CFLAR: variants seen among roughly 807,000 people sequenced by gnomAD.
CFLAR encodes the protein CASP8 and FADD-like apoptosis regulator.
CFLAR carries 14 observed loss-of-function variants against 51.1 expected under a neutral mutation model. That is an observed-to-expected ratio of 0.27 (90% CI 0.18 to 0.43). The LOEUF (loss-of-function observed/expected upper bound fraction) is 0.43. Among genes scored for constraint, CFLAR ranks in the 20% least tolerant of loss-of-function variants. The pLI, the probability that CFLAR is intolerant of heterozygous loss-of-function variation, is 1.00. For synonymous variants in CFLAR, 210 were observed against 211.6 expected (o/e 0.99, Z 0.06); for missense variants, 390 against 566.5 (o/e 0.69, Z 3.16).
intron 6 of CFLAR, among the ~76,000 whole-genome samples, chr2:201,147,178 G>T (rs908919209): frequency 6.6e-6 from 1 of 152,160 alleles, no homozygotes; most frequent in Admixed American, 6.5e-5. Context: ...CTATGATCCT[G>T]TTAGGAGAGC....
At chr2:201,152,576 G>A (rs1941456997) in intron 8 of CFLAR, among the ~76,000 whole-genome samples, 1 of 152,174 alleles carries the variant, frequency 6.6e-6, no homozygotes, top group African/African-American at 2.4e-5. Context: ...TTTGCACTTG[G>A]TACATAGAGT....
chr2:201,134,279 G>C (rs2049784306), intron 3 of CFLAR, among the ~76,000 whole-genome samples: 1 of 151,894 alleles, frequency 6.6e-6, no homozygotes, highest in Non-Finnish European at 1.5e-5. Context: ...TTGCACTCCA[G>C]CCTGGGCGAC....
At chr2:201,135,821 C>A (rs1381251315) in intron 3 of CFLAR, 151 bp from the exon 4 acceptor site, 18 of 973,142 alleles carry the variant, frequency 1.8e-5, no homozygotes, top group Admixed American at 8.1e-5. Context: ...AGATGGGGGT[C>A]TCACTATTTT....
rs1159956215 is a variant in CFLAR at position 201,171,250 on chromosome 2, ATTAC to A, written c.*7282_*7285del. The A allele has an allele frequency of 1.3e-5, 2 of 152,172 alleles. No homozygotes were observed. Among genetic ancestry groups the A allele is most frequent in the Admixed American group, 1.3e-4 (2 of 15,286 alleles). The allele number at this position is 152,172 out of a possible 1,614,324, so 9.4% of individuals were successfully genotyped here. A position where few individuals can be genotyped will look rare whatever the true frequency, so the allele number is the denominator to read the frequency against. On this transcript the variant is annotated 3_prime_UTR_variant, in exon 10 of 10. Coordinates refer to ENST00000309955, the MANE Select transcript of CFLAR (RefSeq NM_003879.7). Reference sequence around the variant, plus strand: ...CCAGAATCTCACAAGTAACCACTTAATTACTTACGCATGTAACCAGATACCACCT... The same window carrying A: ...CCAGAATCTCACAAGTAACCACTTAATTACGCATGTAACCAGATACCACCT...
intron 8 of CFLAR, 140 bp downstream of exon 8, chr2:201,149,975 C>T: frequency 1.6e-6 from 1 of 626,424 alleles, no homozygotes. Context: ...GGTGCGGTGG[C>T]TCATGCCTGG....
At chr2:201,155,054 G>A (rs1941926235) in intron 8 of CFLAR, among the ~76,000 whole-genome samples, 1 of 152,234 alleles carries the variant, frequency 6.6e-6, no homozygotes, top group Non-Finnish European at 1.5e-5. Context: ...AGTCTTTGGT[G>A]TTGTGTCATC....
intron 8 of CFLAR, among the ~76,000 whole-genome samples, chr2:201,160,124 G>GA (rs1401992817): frequency 2.6e-5 from 4 of 152,034 alleles, no homozygotes; most frequent in Admixed American, 6.6e-5. Context: ...GATTGTTGAA[G>GA]AAAAAAAGGT....
At chr2:201,135,948 G>GT in intron 3 of CFLAR, 24 bp from the exon 4 acceptor site, 1 of 1,601,642 alleles carries the variant, frequency 6.2e-7, no homozygotes. Flanking sequence ...ATTGACATTT[G>GT]TTTTTTGTTG....
intron 6 of CFLAR, among the ~76,000 whole-genome samples, chr2:201,146,920 C>T (rs1940306318): frequency 6.6e-6 from 1 of 152,200 alleles, no homozygotes; most frequent in Non-Finnish European, 1.5e-5. Flanking sequence ...CATTCTCTAC[C>T]TAATATTGTG....
At position 201,170,797 on chromosome 2, in the gene CFLAR, T is replaced by C. The variant is rs577804002; in HGVS notation, c.*6824T>C. 20 of 152,372 alleles carry C rather than the reference T, an allele frequency of 1.3e-4. No individual in the cohort carries two copies. Among genetic ancestry groups the C allele is most frequent in the East Asian group, 9.6e-4 (5 of 5,194 alleles). 9.4% of individuals were successfully genotyped at this position (152,372 alleles called of 1,614,324 possible). ...TGCTTTTTTTTACACAAAAATATGT[T>C]GTGAATATTTTCCTATATTATGAAA... On this transcript the variant is annotated 3_prime_UTR_variant, in exon 10 of 10. Coordinates refer to ENST00000309955, the MANE Select transcript of CFLAR (RefSeq NM_003879.7).
intron 2 of CFLAR, 41 bp downstream of exon 2, chr2:201,130,187 G>GGGGGGGGGGGCCCC: frequency 3.4e-6 from 1 of 292,394 alleles, no homozygotes. Context: ...GGGTGGGAGG[G>GGGGGGGGGGGCCCC]AGTGAAGTGT....
Position 201,145,624 on chromosome 2 carries a change from T to C in CFLAR, c.661+192T>C, listed in dbSNP as rs144916481. On this transcript the variant is annotated intron_variant, in intron 6 of 9. Coordinates refer to ENST00000309955, the MANE Select transcript of CFLAR (RefSeq NM_003879.7). The stretch of plus-strand genomic sequence containing the variant: ...GTCTATTGAATTAGCTTATCTAAGT[T>C]TGAACACCATCGTACTCCATCAGCT... 7.5e-4 allele frequency: 418 copies of C among 555,118 alleles called. 2 individuals carry two copies. In the East Asian group the frequency reaches 0.011, roughly 14 times the overall value. 34.4% of individuals were successfully genotyped at this position (555,118 alleles called of 1,614,324 possible).
At chr2:201,133,688 T>TG (rs1305060326) in intron 3 of CFLAR, among the ~76,000 whole-genome samples, 2 of 151,960 alleles carry the variant, frequency 1.3e-5, no homozygotes, top group Non-Finnish European at 2.9e-5. Context: ...CCCAGCACTT[T>TG]GGGGGGCCAA....
chr2:201,138,906 G>C lies in CFLAR; in HGVS notation c.524-1451G>C, dbSNP rs1225370196. ...GACCATTGGGTCAGGGCTGAGGTCAGGTCCACCTCATCAGCTATGAAGTCT... is the reference window on the plus strand; with the variant it reads ...GACCATTGGGTCAGGGCTGAGGTCACGTCCACCTCATCAGCTATGAAGTCT... On this transcript the variant is annotated intron_variant, in intron 4 of 9. Transcript: ENST00000309955. This position sits in a 1 kb window ranked among gnomAD's most constrained non-coding sequence, Gnocchi z 4.0. The C allele has an allele frequency of 4.2e-5, 28 of 671,426 alleles. No individual in the cohort carries two copies. The East Asian group carries it at 9.1e-4, about 22-fold the overall frequency. 41.6% of individuals were successfully genotyped at this position (671,426 alleles called of 1,614,324 possible).
chr2:201,139,852 C>G (rs543752204), intron 4 of CFLAR: 1 of 153,248 alleles, frequency 6.5e-6, no homozygotes, highest in South Asian at 2.0e-4. Context: ...AACGCCGGTC[C>G]CCTGGGCCCC....
intron 1 of CFLAR, among the ~76,000 whole-genome samples, chr2:201,126,684 T>G (rs945621250): frequency 6.6e-6 from 1 of 152,196 alleles, no homozygotes; most frequent in African/African-American, 2.4e-5. Context: ...GAGGCAAGGT[T>G]GTTGCAGCAG....
intron 1 of CFLAR, among the ~76,000 whole-genome samples, chr2:201,120,389 G>T (rs1024813982): frequency 1.3e-5 from 2 of 151,832 alleles, no homozygotes. Context: ...GGCGATTTAA[G>T]TTTTTGGCCC....
rs76410935 is a variant in CFLAR, at chr2:201,168,599, T to C, written c.*4626T>C. The C allele has an allele frequency of 0.46, 70,419 of 151,960 alleles. 16,627 individuals are homozygous for C. Among genetic ancestry groups the C allele is most frequent in the Non-Finnish European group, 0.51 (34,785 of 67,978 alleles). The allele number at this position is 151,960 out of a possible 1,614,324, so 9.4% of individuals were successfully genotyped here. On this transcript the variant is annotated 3_prime_UTR_variant, in exon 10 of 10. Transcript: ENST00000309955. The stretch of plus-strand genomic sequence containing the variant: ...GCCGTCTCACCACTCCTATTTAACA[T>C]AGTATTGGAAGTTCTGGCCAAGAAA...
At chr2:201,130,496 GGACTAC>G (rs1455391203) in intron 2 of CFLAR, among the ~76,000 whole-genome samples, 1 of 151,076 alleles carries the variant, frequency 6.6e-6, no homozygotes, top group Non-Finnish European at 1.5e-5. Context: ...CAAGTACTTG[GGACTAC>G]AGGCGTGCGC....
Sources: allele counts gnomAD v4.1 joint callset (sites outside exome capture counted in the v4.1 genomes callset), GRCh38; gene constraint gnomAD v4.1.1; non-coding constraint Gnocchi (gnomAD v3.1); transcripts MANE v1.5; gene names NCBI Gene and HGNC (gene_info 2026-07-23, HGNC 2026-07-21).